Variants in ARL15 observed in about 807,000 individuals in gnomAD.
ARL15 encodes ARF like GTPase 15.
A neutral mutation model predicts 25.2 loss-of-function variants in ARL15; 19 were observed. The ratio of observed to expected loss-of-function variants is 0.75; its 90% CI spans 0.53 to 1.10. ARL15 has a LOEUF of 1.10. Among genes scored for constraint, ARL15 ranks in the 50% least tolerant of loss-of-function variants. ARL15 has a pLI of 0.00. For missense variants in ARL15, 220 were observed against 246.0 expected, an observed-to-expected ratio of 0.89 and a Z score of 0.71; for synonymous variants, 94 against 86.8, an observed-to-expected ratio of 1.08 and a Z score of -0.46.
intron 1 of ARL15, among the ~76,000 whole-genome samples, chr5:54,236,407 GACAC>G (rs72439978): frequency 0.095 from 13,400 of 140,666 alleles, 735 homozygotes; most frequent in African/African-American, 0.16. Flanking sequence ...ACTAAACACA[GACAC>G]ACACACACAC....
intron 4 of ARL15, among the ~76,000 whole-genome samples, chr5:54,033,853 G>A (rs752774390): frequency 1.6e-4 from 24 of 151,888 alleles, no homozygotes; most frequent in Admixed American, 6.6e-4. Flanking sequence ...TCGCTTTGTC[G>A]CCCAGGCTGG....
intron 1 of ARL15, among the ~76,000 whole-genome samples, chr5:54,278,930 C>T (rs1011524879): frequency 2.6e-5 from 4 of 152,214 alleles, no homozygotes; most frequent in Admixed American, 6.5e-5. Flanking sequence ...ACCTAGGAAG[C>T]TTTCTGTCCT....
chr5:53,918,139 C>T (rs751892049), intron 4 of ARL15, among the ~76,000 whole-genome samples: 1 of 151,982 alleles, frequency 6.6e-6, no homozygotes, highest in Non-Finnish European at 1.5e-5. Context: ...GAGAGGTTGT[C>T]GAGAGAAGGA....
Position 53,985,599 on chromosome 5 carries a change from A to G in ARL15, c.463-98886T>C, listed in dbSNP as rs529681207. On this transcript the variant is annotated intron_variant, in intron 4 of 4. Transcript: ENST00000504924. ...TGACTGCCTTATTTCATTTAGCGTA[A>G]TGTCCTCAGAATTCATCCATGTTGT... 5.3e-5 allele frequency among the ~76,000 whole-genome samples: 8 copies of G among 152,198 alleles called. No individual in the cohort carries two copies. In the South Asian group the frequency reaches 1.2e-3, roughly 24 times the overall value.
intron 4 of ARL15, among the ~76,000 whole-genome samples, chr5:54,047,799 G>A (rs1488127064): frequency 1.3e-5 from 2 of 152,172 alleles, no homozygotes; most frequent in Non-Finnish European, 2.9e-5. Context: ...GTTATCCTGA[G>A]TTAATTCGTT....
intron 1 of ARL15, among the ~76,000 whole-genome samples, chr5:54,215,444 T>A (rs1163258342): frequency 6.6e-6 from 1 of 152,160 alleles, no homozygotes; most frequent in African/African-American, 2.4e-5. Context: ...TGTAACACCA[T>A]CTGGATATGG....
chr5:54,124,403 T>A (rs1329240048), intron 3 of ARL15, among the ~76,000 whole-genome samples: 1 of 152,200 alleles, frequency 6.6e-6, no homozygotes, highest in Non-Finnish European at 1.5e-5. Context: ...TATCATAGGC[T>A]TGCTGCTGTT....
intron 1 of ARL15, among the ~76,000 whole-genome samples, chr5:54,241,401 A>C (rs752594776): frequency 2.0e-5 from 3 of 152,196 alleles, no homozygotes; most frequent in Non-Finnish European, 2.9e-5. Context: ...ACCACTCTAC[A>C]TAAGAATATT....
chr5:53,894,395 A>G (rs1744808069), intron 4 of ARL15, among the ~76,000 whole-genome samples: 1 of 152,244 alleles, frequency 6.6e-6, no homozygotes, highest in African/African-American at 2.4e-5. Flanking sequence ...AGAATAGCCA[A>G]ATAAAATGAT....
In ARL15 at chr5:53,886,522, G is replaced by T. The variant is rs1467813451; in HGVS notation, c.*39C>A. On this transcript the variant is annotated 3_prime_UTR_variant, in exon 5 of 5. Transcript: ENST00000504924. The stretch of plus-strand genomic sequence containing the variant: ...TTAAAATGAGAAACTAACATGATAG[G>T]TTCAAGGCCTTTTGGGAGCCTGTTT... 1.3e-6 allele frequency: 2 copies of T among 1,542,806 alleles called. No homozygotes were observed. Among genetic ancestry groups the T allele is most frequent in the Admixed American group, 4.2e-5 (2 of 47,276 alleles).
At chr5:54,270,754 C>T (rs1223192774) in intron 1 of ARL15, among the ~76,000 whole-genome samples, 1 of 152,202 alleles carries the variant, frequency 6.6e-6, no homozygotes, top group Non-Finnish European at 1.5e-5. Flanking sequence ...TGTATTCCCA[C>T]TGTAATAATT....
intron 1 of ARL15, among the ~76,000 whole-genome samples, chr5:54,191,081 A>G (rs180876785): frequency 1.2e-3 from 184 of 152,342 alleles, no homozygotes; most frequent in Non-Finnish European, 1.9e-3. Flanking sequence ...AAATGAATGG[A>G]TAAGCAAAAT....
At chr5:53,911,029 A>T (rs1256171152) in intron 4 of ARL15, among the ~76,000 whole-genome samples, 2 of 152,166 alleles carry the variant, frequency 1.3e-5, no homozygotes, top group African/African-American at 4.8e-5. Context: ...GAGTTGAACA[A>T]TAACATTCAA....
intron 4 of ARL15, among the ~76,000 whole-genome samples, chr5:53,889,784 G>A (rs1744654107): frequency 6.6e-6 from 1 of 151,042 alleles, no homozygotes; most frequent in Non-Finnish European, 1.5e-5. Flanking sequence ...AGGAGAAGAT[G>A]AGGACTTTAT....
intron 4 of ARL15, among the ~76,000 whole-genome samples, chr5:54,042,798 G>A (rs1750383817): frequency 6.6e-6 from 1 of 152,152 alleles, no homozygotes; most frequent in Non-Finnish European, 1.5e-5. Flanking sequence ...AGTGCCTCGG[G>A]TGTCACCAAG....
chr5:54,219,894 C>T (rs1756321238), intron 1 of ARL15, among the ~76,000 whole-genome samples: 1 of 152,136 alleles, frequency 6.6e-6, no homozygotes, highest in Non-Finnish European at 1.5e-5. Context: ...CAAAATGTGT[C>T]CTTCCATATT....
At chr5:53,919,591 C>T (rs1053519939) in intron 4 of ARL15, among the ~76,000 whole-genome samples, 23 of 152,166 alleles carry the variant, frequency 1.5e-4, no homozygotes, top group African/African-American at 4.8e-4. Context: ...GGTTTGAGCA[C>T]GCCTGTGTGT....
chr5:54,219,464 G>A (rs1756309006), intron 1 of ARL15, among the ~76,000 whole-genome samples: 1 of 152,146 alleles, frequency 6.6e-6, no homozygotes, highest in Admixed American at 6.6e-5. Flanking sequence ...ATCAAGAAAG[G>A]CCTAAAACTT....
chr5:54,187,296 G>A (rs1755268316), intron 1 of ARL15, among the ~76,000 whole-genome samples: 1 of 152,130 alleles, frequency 6.6e-6, no homozygotes, highest in Non-Finnish European at 1.5e-5. Flanking sequence ...CTACCAGGTT[G>A]TTGAGGAAAA....
Sources: allele counts gnomAD v4.1 joint callset (sites outside exome capture counted in the v4.1 genomes callset), GRCh38; gene constraint gnomAD v4.1.1; transcripts MANE v1.5; gene names NCBI Gene and HGNC (gene_info 2026-07-23, HGNC 2026-07-21).